Variants in LDAH observed in about 807,000 individuals in gnomAD.
LDAH encodes the protein lipid droplet-associated hydrolase.
Under a neutral mutation model 29.6 loss-of-function variants are expected in LDAH, and 26 were observed. That is an observed-to-expected ratio of 0.88 (90% CI 0.64 to 1.22). The LOEUF is 1.22. LDAH is among the 50% of genes most tolerant of loss of function. The pLI is 0.00. For synonymous variants in LDAH, 117 were observed against 133.0 expected, an observed-to-expected ratio of 0.88 and a Z score of 0.83; for missense variants, 344 against 387.3, an observed-to-expected ratio of 0.89 and a Z score of 0.94.
At chr2:20,747,774 C>T (rs1041513757) in intron 4 of LDAH, among the ~76,000 whole-genome samples, 2 of 152,220 alleles carry the variant, frequency 1.3e-5, no homozygotes, top group East Asian at 1.9e-4. Flanking sequence ...GTAGTGATAG[C>T]TTACTATTTT....
At chr2:20,750,713 T>C (rs1394122607) in intron 4 of LDAH, among the ~76,000 whole-genome samples, 2 of 152,242 alleles carry the variant, frequency 1.3e-5, no homozygotes, top group African/African-American at 4.8e-5. Context: ...TGCACTTATG[T>C]TCATTGTTGT....
chr2:20,776,247 T>C (rs1235477549), intron 3 of LDAH, among the ~76,000 whole-genome samples: 3 of 152,174 alleles, frequency 2.0e-5, no homozygotes, highest in African/African-American at 7.2e-5. Flanking sequence ...TGTGTGTGTG[T>C]GTGCTCATCT....
At chr2:20,814,642 G>T (rs993621044) in intron 1 of LDAH, among the ~76,000 whole-genome samples, 1 of 151,718 alleles carries the variant, frequency 6.6e-6, no homozygotes, top group Non-Finnish European at 1.5e-5. Flanking sequence ...TTGTATTTTT[G>T]GTAGAGAAGG....
intron 3 of LDAH, among the ~76,000 whole-genome samples, chr2:20,789,574 T>A (rs1670802355): frequency 6.6e-6 from 1 of 152,200 alleles, no homozygotes; most frequent in African/African-American, 2.4e-5. Flanking sequence ...TCTATATGAT[T>A]AGCAGGCCAC....
intron 6 of LDAH, among the ~76,000 whole-genome samples, chr2:20,690,492 T>C (rs1662925571): frequency 6.6e-6 from 1 of 152,258 alleles, no homozygotes; most frequent in East Asian, 1.9e-4. Context: ...TCAGGCTATA[T>C]ATTCTCTAAA....
In LDAH at chr2:20,779,626, G is replaced by A. The variant is rs1335632346; in HGVS notation, c.299-4647C>T. 2.0e-5 allele frequency among the ~76,000 whole-genome samples: 3 copies of A among 151,800 alleles called. No homozygotes were observed. In the East Asian group the frequency reaches 5.8e-4, roughly 29 times the overall value. On this transcript the variant is annotated intron_variant, in intron 3 of 6. Transcript: ENST00000237822. Reference sequence around the variant, plus strand: ...TTACTCTAAATTCATGATAGAACTAGAGATGGGATACAAAAAACAAACCTT... The same window carrying A: ...TTACTCTAAATTCATGATAGAACTAAAGATGGGATACAAAAAACAAACCTT...
At chr2:20,701,510 G>A (rs1663933747) in intron 6 of LDAH, 60 bp downstream of exon 6, 4 of 1,347,474 alleles carry the variant, frequency 3.0e-6, no homozygotes, top group Non-Finnish European at 4.3e-6. Context: ...CTAGTCCTTT[G>A]CCCTCGTATC....
intron 5 of LDAH, among the ~76,000 whole-genome samples, chr2:20,716,096 T>C (rs1052070539): frequency 6.6e-6 from 1 of 152,152 alleles, no homozygotes; most frequent in Non-Finnish European, 1.5e-5. Context: ...GGAGAGGATA[T>C]GGAGAAATTG....
intron 4 of LDAH, among the ~76,000 whole-genome samples, chr2:20,765,732 G>A (rs930412059): frequency 6.6e-6 from 1 of 152,136 alleles, no homozygotes. Context: ...CTCCTACGTA[G>A]CTAGCTTGGG....
rs149497189 is a variant in LDAH at position 20,736,458 on chromosome 2, T to C, written c.703+3513A>G. Among the ~76,000 whole-genome samples the C allele has an allele frequency of 3.9e-3, 586 of 151,790 alleles. 2 individuals are homozygous for C. The highest frequency in any genetic ancestry group is 0.014 in the African/African-American group (568 of 41,402). The stretch of plus-strand genomic sequence containing the variant: ...CTCTGTCTCAAAAAATATATAATAA[T>C]AATAATAAAGAAAGAAAGTATTGAA... On this transcript the variant is annotated intron_variant, in intron 5 of 6. Transcript: ENST00000237822.
rs1194804252 is a variant in LDAH, at chr2:20,790,470, A to C, written c.155-72T>G. 3.1e-6 allele frequency: 4 copies of C among 1,298,456 alleles called. No homozygotes were observed. The African/African-American group carries it at 6.0e-5, about 19-fold the overall frequency. The allele number at this position is 1,298,456 out of a possible 1,614,324, so 80.4% of individuals were successfully genotyped here. A position where few individuals can be genotyped will look rare whatever the true frequency, so the allele number is the denominator to read the frequency against. On this transcript the variant is annotated intron_variant, in intron 2 of 6. Coordinates refer to ENST00000237822, the MANE Select transcript of LDAH (RefSeq NM_021925.4). ...GCATAAGATGACACGCAGGCTAGAA[A>C]AGATGGGTCTGTTTCTTTTCACACT...
chr2:20,775,222 AAT>A lies in LDAH; in HGVS notation c.299-245_299-244del, dbSNP rs1387499096. 5.9e-5 allele frequency among the ~76,000 whole-genome samples: 9 copies of A among 152,376 alleles called. No homozygotes were observed. In the East Asian group the frequency reaches 1.7e-3, roughly 29 times the overall value. On this transcript the variant is annotated intron_variant, in intron 3 of 6. Transcript: ENST00000237822. ...GCTCATAGATATTAGGTGACAGATT[AAT>A]AGTCACAAACTTATTAAGTGGGAGA... is the stretch of plus-strand genomic sequence containing the variant.
rs763917679 is a variant in LDAH, at chr2:20,686,885, C to A, written c.*18G>T. ...TGCCTCCATGTACTGGCAGTGGGGG[C>A]TTGTTCCTCAGGCCAATTTACATTT... is the stretch of plus-strand genomic sequence containing the variant. On this transcript the variant is annotated 3_prime_UTR_variant, in exon 7 of 7. Transcript: ENST00000237822. 4.4e-6 allele frequency: 7 copies of A among 1,605,558 alleles called. No homozygotes were observed. Among genetic ancestry groups the A allele is most frequent in the Admixed American group, 3.4e-5 (2 of 59,550 alleles).
Position 20,685,625 on chromosome 2 carries a change from CT to C in LDAH, c.*1277del. ...TTGAGCGGAGGGACATCTCATTGTC[CT>C]TAGGGAATGATAATGCCATGAGGGA... On this transcript the variant is annotated 3_prime_UTR_variant, in exon 7 of 7. Transcript: ENST00000237822. The C allele has an allele frequency of 1.3e-6, 2 of 1,550,314 alleles. No individual in the cohort carries two copies. Among genetic ancestry groups the C allele is most frequent in the Non-Finnish European group, 1.7e-6 (2 of 1,146,932 alleles).
intron 6 of LDAH, among the ~76,000 whole-genome samples, chr2:20,697,938 T>C (rs1663612867): frequency 6.6e-6 from 1 of 152,212 alleles, no homozygotes; most frequent in African/African-American, 2.4e-5. Context: ...TCAAGGTAAC[T>C]AAAACATTAT....
At chr2:20,751,667 G>A (rs2124903846) in intron 4 of LDAH, among the ~76,000 whole-genome samples, 1 of 152,098 alleles carries the variant, frequency 6.6e-6, no homozygotes, top group Non-Finnish European at 1.5e-5. Context: ...TTGATTTCAG[G>A]GGGAAAAACT....
At chr2:20,711,384 C>CAA (rs563372762) in intron 5 of LDAH, among the ~76,000 whole-genome samples, 3 of 106,428 alleles carry the variant, frequency 2.8e-5, no homozygotes, top group Admixed American at 9.9e-5. Context: ...GAGTCCGTAT[C>CAA]AAAAAAAAAA....
chr2:20,758,926 C>T lies in LDAH; in HGVS notation c.468+15884G>A, dbSNP rs115634751. Among the ~76,000 whole-genome samples the T allele has an allele frequency of 9.3e-3, 1,410 of 152,276 alleles. 19 individuals carry two copies. Among genetic ancestry groups the T allele is most frequent in the African/African-American group, 0.032 (1,337 of 41,572 alleles). ...CCTTAAGGAGAACCCTCCTGGTACCCAGATAACCAGAATATGTCCTTAAGT... is the reference window on the plus strand; with the variant it reads ...CCTTAAGGAGAACCCTCCTGGTACCTAGATAACCAGAATATGTCCTTAAGT... On this transcript the variant is annotated intron_variant, in intron 4 of 6. Coordinates refer to ENST00000237822, the MANE Select transcript of LDAH (RefSeq NM_021925.4).
intron 5 of LDAH, among the ~76,000 whole-genome samples, chr2:20,736,881 T>G (rs374949971): frequency 6.6e-6 from 1 of 152,224 alleles, no homozygotes; most frequent in South Asian, 2.1e-4. Flanking sequence ...TCTTTGAGAT[T>G]TACTCATTTC....
Sources: allele counts gnomAD v4.1 joint callset (sites outside exome capture counted in the v4.1 genomes callset), GRCh38; gene constraint gnomAD v4.1.1; transcripts MANE v1.5; gene names NCBI Gene and HGNC (gene_info 2026-07-23, HGNC 2026-07-21).